ZMAT5: variants seen among roughly 807,000 people sequenced by gnomAD.
ZMAT5 encodes zinc finger matrin-type protein 5.
ZMAT5 carries 23 observed loss-of-function variants against 28.0 expected under a neutral mutation model. That is an observed-to-expected ratio of 0.82 (90% CI 0.59 to 1.16). ZMAT5 has a LOEUF of 1.16. Ranked by LOEUF, ZMAT5 falls within the 50% of genes most tolerant of loss-of-function variation. The pLI, the probability that ZMAT5 is intolerant of heterozygous loss-of-function variation, is 0.00. For synonymous variants in ZMAT5, 76 were observed against 84.1 expected (o/e 0.90, Z 0.52); for missense variants, 173 against 212.7 (o/e 0.81, Z 1.16).
At chr22:29,748,118 T>C (rs942491229) in intron 2 of ZMAT5, 11 of 410,546 alleles carry the variant, frequency 2.7e-5, no homozygotes, top group Non-Finnish European at 4.6e-5. Flanking sequence ...GGCTGCCTGC[T>C]TCTCTTCACA....
At position 29,738,519 on chromosome 22, in the gene ZMAT5, G is replaced by A. The variant is rs989390028; in HGVS notation, c.272-78C>T. The A allele has an allele frequency of 3.0e-6, 4 of 1,316,532 alleles. No individual in the cohort carries two copies. In the African/African-American group the frequency reaches 5.8e-5, roughly 19 times the overall value. 81.6% of individuals were successfully genotyped at this position (1,316,532 alleles called of 1,614,324 possible). ...AACCCTACCCTCTCACAAAGCAGAA[G>A]CAACTGGTAGGCCCTGAGCAAGCCT... On this transcript the variant is annotated intron_variant, in intron 4 of 5. Coordinates refer to ENST00000344318, the MANE Select transcript of ZMAT5 (RefSeq NM_001003692.2).
intron 2 of ZMAT5, 85 bp from the exon 3 acceptor site, chr22:29,742,565 C>T: frequency 8.2e-7 from 1 of 1,216,716 alleles, no homozygotes. Flanking sequence ...GGCATATGGA[C>T]CCTTTATCTC....
At chr22:29,740,348 C>T (rs1181187715) in intron 4 of ZMAT5, among the ~76,000 whole-genome samples, 2 of 152,024 alleles carry the variant, frequency 1.3e-5, no homozygotes, top group Non-Finnish European at 2.9e-5. Flanking sequence ...TGGGGTGTAC[C>T]CACCAATGAC....
At chr22:29,732,739 CA>C (rs131258) in intron 5 of ZMAT5, among the ~76,000 whole-genome samples, 42,461 of 70,490 alleles carry the variant, frequency 0.6, 10,031 homozygotes, top group East Asian at 0.76. Context: ...GACTCCTTCT[CA>C]AAAAAAAAAA....
chr22:29,763,465 G>A (rs2068178356), intron 1 of ZMAT5, among the ~76,000 whole-genome samples: 1 of 150,908 alleles, frequency 6.6e-6, no homozygotes, highest in African/African-American at 2.4e-5. Flanking sequence ...AGCTGGGTGT[G>A]GTGGCGGGCG....
chr22:29,763,496 G>A (rs1182057800), intron 1 of ZMAT5, among the ~76,000 whole-genome samples: 1 of 151,268 alleles, frequency 6.6e-6, no homozygotes, highest in African/African-American at 2.4e-5. Flanking sequence ...CAGCTACTCA[G>A]GAGGCTGAGG....
chr22:29,753,531 A>C (rs2068072913), intron 1 of ZMAT5, among the ~76,000 whole-genome samples: 1 of 150,692 alleles, frequency 6.6e-6, no homozygotes. Context: ...TCTGAAAAAG[A>C]AAAAAAAAAT....
intron 1 of ZMAT5, among the ~76,000 whole-genome samples, chr22:29,754,627 T>C (rs558509643): frequency 7.2e-5 from 11 of 152,252 alleles, no homozygotes; most frequent in African/African-American, 2.6e-4. Flanking sequence ...TCCCAACATG[T>C]TGGGAGGCCG....
chr22:29,761,027 C>A (rs1425359997), intron 1 of ZMAT5, among the ~76,000 whole-genome samples: 1 of 152,102 alleles, frequency 6.6e-6, no homozygotes, highest in Non-Finnish European at 1.5e-5. Flanking sequence ...GTAATCCCAG[C>A]ACTTTGGGAG....
At position 29,750,886 on chromosome 22, in the gene ZMAT5, G is replaced by A. The variant is rs1601725127; in HGVS notation, c.-27-2315C>T. Reference sequence around the variant, plus strand: ...GAAAGCCATTCTTGCAGCAGACAGGGACAGCAGCCATTAAGTCAGGGGCTG... The same window carrying A: ...GAAAGCCATTCTTGCAGCAGACAGGAACAGCAGCCATTAAGTCAGGGGCTG... On this transcript the variant is annotated intron_variant, in intron 1 of 5. Coordinates refer to ENST00000344318, the MANE Select transcript of ZMAT5 (RefSeq NM_001003692.2). Among the ~76,000 whole-genome samples the A allele has an allele frequency of 2.0e-5, 3 of 152,216 alleles. No individual in the cohort carries two copies. In the South Asian group the frequency reaches 6.2e-4, roughly 32 times the overall value.
At chr22:29,758,291 T>C (rs1601729863) in intron 1 of ZMAT5, among the ~76,000 whole-genome samples, 1 of 152,208 alleles carries the variant, frequency 6.6e-6, no homozygotes, top group African/African-American at 2.4e-5. Context: ...CCCAGATTCC[T>C]GACCCTAGAA....
At chr22:29,756,745 CA>C (rs937969476) in intron 1 of ZMAT5, among the ~76,000 whole-genome samples, 2 of 151,842 alleles carry the variant, frequency 1.3e-5, no homozygotes, top group Admixed American at 6.6e-5. Flanking sequence ...CCCATCTCCA[CA>C]AAAAAATTTT....
intron 1 of ZMAT5, among the ~76,000 whole-genome samples, chr22:29,766,055 C>T (rs948900140): frequency 1.3e-5 from 2 of 152,038 alleles, no homozygotes; most frequent in African/African-American, 4.8e-5. Flanking sequence ...TGGCCAGACG[C>T]GGTGGCTCAC....
rs112002924 is a variant in ZMAT5, at chr22:29,764,085, C to T, written c.-28+2787G>A. ...TGCAAGGAACTATGATTATTACAAC[C>T]AGGAATTATGTGCCACTGTACTCCA... On this transcript the variant is annotated intron_variant, in intron 1 of 5. Coordinates refer to ENST00000344318, the MANE Select transcript of ZMAT5 (RefSeq NM_001003692.2). Among the ~76,000 whole-genome samples the T allele has an allele frequency of 5.9e-3, 891 of 151,770 alleles. 4 individuals carry two copies. The highest frequency in any genetic ancestry group is 0.018 in the African/African-American group (753 of 41,388).
At chr22:29,765,412 C>G (rs752909865) in intron 1 of ZMAT5, among the ~76,000 whole-genome samples, 12 of 151,012 alleles carry the variant, frequency 7.9e-5, no homozygotes, top group South Asian at 4.2e-4. Context: ...GAGACTCTGT[C>G]TCAAAAAAAA....
At chr22:29,735,027 A>G (rs565332647) in intron 5 of ZMAT5, among the ~76,000 whole-genome samples, 1 of 152,148 alleles carries the variant, frequency 6.6e-6, no homozygotes, top group East Asian at 1.9e-4. Flanking sequence ...TTGCTGCAGC[A>G]CTGCCTCCAG....
intron 3 of ZMAT5, among the ~76,000 whole-genome samples, chr22:29,741,683 T>G (rs574537947): frequency 6.6e-6 from 1 of 152,314 alleles, no homozygotes; most frequent in East Asian, 1.9e-4. Flanking sequence ...GGGTCCTCAC[T>G]CTGTTGCCCA....
At chr22:29,744,527 C>T (rs1044749174) in intron 2 of ZMAT5, among the ~76,000 whole-genome samples, 1 of 151,746 alleles carries the variant, frequency 6.6e-6, no homozygotes. Flanking sequence ...ACACCACTGC[C>T]TGCCTTTCCC....
intron 4 of ZMAT5, among the ~76,000 whole-genome samples, chr22:29,738,915 G>T (rs1424028369): frequency 6.6e-6 from 1 of 152,096 alleles, no homozygotes; most frequent in African/African-American, 2.4e-5. Flanking sequence ...GGAGACTGAG[G>T]CAGGAGAATC....
Sources: gnomAD v4.1 joint callset for allele counts (sites outside exome capture counted in the v4.1 genomes callset) on GRCh38, gnomAD v4.1.1 for gene constraint, MANE v1.5 for transcripts, NCBI Gene and HGNC (gene_info 2026-07-23, HGNC 2026-07-21) for gene names.